GNB1L: variants seen among roughly 807,000 people sequenced by gnomAD.
GNB1L encodes G protein subunit beta 1 like.
GNB1L carries 20 observed loss-of-function variants against 29.1 expected under a neutral mutation model. That is an observed-to-expected ratio of 0.69 (90% CI 0.48 to 1.00). GNB1L has a LOEUF of 1.00. GNB1L is among the 50% of genes least tolerant of loss of function. The pLI is 0.00. For missense variants in GNB1L, 421 were observed against 464.9 expected (o/e 0.91, Z 0.87); for synonymous variants, 193 against 206.5 (o/e 0.93, Z 0.56).
At position 19,816,200 on chromosome 22, in the gene GNB1L, C is replaced by T. The variant is rs924820334; in HGVS notation, c.255-3753G>A. Among the ~76,000 whole-genome samples the T allele has an allele frequency of 6.6e-6, 1 of 152,208 alleles. No homozygotes were observed. Among genetic ancestry groups the T allele is most frequent in the African/African-American group, 2.4e-5 (1 of 41,450 alleles). Reference sequence around the variant, plus strand: ...TTTGCACTCCTTCCTTCCCTGGGGACGAGGCCCAGGCCCATATTCCTCAGA... The same window carrying T: ...TTTGCACTCCTTCCTTCCCTGGGGATGAGGCCCAGGCCCATATTCCTCAGA... On this transcript the variant is annotated intron_variant, in intron 4 of 7. Transcript: ENST00000329517. This position sits in a 1 kb window ranked among gnomAD's most constrained non-coding sequence, Gnocchi z 4.4.
rs989122054 is a variant in GNB1L at position 19,817,896 on chromosome 22, A to T, written c.254+2702T>A. On this transcript the variant is annotated intron_variant, in intron 4 of 7. Coordinates refer to ENST00000329517, the MANE Select transcript of GNB1L (RefSeq NM_053004.3). ...ATTATACTTCACAAGAAAAAAGATT[A>T]AAAAACACCCTGCCGAGGTGGCTGT... Among the ~76,000 whole-genome samples the T allele has an allele frequency of 3.3e-5, 5 of 152,324 alleles. No individual in the cohort carries two copies. The East Asian group carries it at 9.6e-4, about 29-fold the overall frequency.
At chr22:19,810,387 G>A (rs532192872) in intron 5 of GNB1L, among the ~76,000 whole-genome samples, 1 of 152,040 alleles carries the variant, frequency 6.6e-6, no homozygotes, top group East Asian at 1.9e-4. Flanking sequence ...AAGATGGGGG[G>A]AGGAGGGGTG....
At chr22:19,849,833 C>A (rs1358509897) in intron 2 of GNB1L, 3 of 985,466 alleles carry the variant, frequency 3.0e-6, no homozygotes, top group Non-Finnish European at 2.4e-6. Context: ...CTTGTCCAAG[C>A]ACCAGAGTGG....
chr22:19,806,811 A>G (rs1937442003), intron 5 of GNB1L, 54 bp from the exon 6 acceptor site: 5 of 1,250,264 alleles, frequency 4.0e-6, no homozygotes, highest in Admixed American at 1.8e-5. Flanking sequence ...AGTCTGCGCT[A>G]TACAAACAAG....
At chr22:19,830,062 T>C (rs1187001504) in intron 2 of GNB1L, among the ~76,000 whole-genome samples, 1 of 152,136 alleles carries the variant, frequency 6.6e-6, no homozygotes, top group Non-Finnish European at 1.5e-5. Context: ...CTGTTGAGTA[T>C]AGTGGTACAC....
At chr22:19,825,849 T>C (rs1401637000) in intron 2 of GNB1L, among the ~76,000 whole-genome samples, 1 of 151,874 alleles carries the variant, frequency 6.6e-6, no homozygotes, top group Non-Finnish European at 1.5e-5. Context: ...GTCCAGCTAC[T>C]CAGGAGGCTG....
chr22:19,785,349 C>T lies in GNB1L; in HGVS notation c.*3360G>A. 1 of 152,142 alleles carries T rather than the reference C, an allele frequency of 6.6e-6. No homozygotes were observed. The highest frequency in any genetic ancestry group is 1.5e-5 in the Non-Finnish European group (1 of 68,246). The allele number at this position is 152,142 out of a possible 1,614,324, so 9.4% of individuals were successfully genotyped here. On this transcript the variant is annotated 3_prime_UTR_variant, in exon 8 of 8. Transcript: ENST00000329517. This position sits in a 1 kb window ranked among gnomAD's most constrained non-coding sequence, Gnocchi z 4.1. Reference sequence around the variant, plus strand: ...GCTTGAACCTGGGAATCAGAGGTTGCAGTGAGCCGAGACTGCTCCATTGCA... The same window carrying T: ...GCTTGAACCTGGGAATCAGAGGTTGTAGTGAGCCGAGACTGCTCCATTGCA...
At chr22:19,848,828 T>C in intron 2 of GNB1L, 1 of 985,148 alleles carries the variant, frequency 1.0e-6, no homozygotes, top group Non-Finnish European at 1.2e-6. Flanking sequence ...CAGGCTGGAG[T>C]ATCCACTTCA....
At chr22:19,811,043 G>C (rs1046248669) in intron 5 of GNB1L, among the ~76,000 whole-genome samples, 1 of 152,214 alleles carries the variant, frequency 6.6e-6, no homozygotes, top group Admixed American at 6.5e-5. Flanking sequence ...CAGCATTCCT[G>C]TGGGTCTGTA....
intron 7 of GNB1L, among the ~76,000 whole-genome samples, chr22:19,797,364 C>A (rs1393127040): frequency 1.3e-5 from 2 of 152,074 alleles, no homozygotes; most frequent in Non-Finnish European, 2.9e-5. Flanking sequence ...GGGGTGCAGG[C>A]GGTGATTTCA....
At position 19,845,834 on chromosome 22, in the gene GNB1L, C is replaced by T. The variant is rs1421324220; in HGVS notation, c.-21+8609G>A. Among the ~76,000 whole-genome samples, 4 of 152,350 alleles carry T rather than the reference C, an allele frequency of 2.6e-5. No individual in the cohort carries two copies. The East Asian group carries it at 5.8e-4, about 22-fold the overall frequency. On this transcript the variant is annotated intron_variant, in intron 2 of 7. Transcript: ENST00000329517. ...TGGGCAAGGGCCATGACACCATCCT[C>T]GCTGCCTCTGCATTTGTGATCCAAT...
At position 19,783,371 on chromosome 22, in the gene GNB1L, T is replaced by A. The variant is rs1248854414; in HGVS notation, c.*5338A>T. The A allele has an allele frequency of 2.8e-6, 1 of 353,928 alleles. No homozygotes were observed. The highest frequency in any genetic ancestry group is 2.1e-5 in the African/African-American group (1 of 46,994). 21.9% of individuals were successfully genotyped at this position (353,928 alleles called of 1,614,324 possible). A position where few individuals can be genotyped will look rare whatever the true frequency, so the allele number is the denominator to read the frequency against. On this transcript the variant is annotated 3_prime_UTR_variant, in exon 8 of 8. Transcript: ENST00000329517. ...CATGCAAGAGGTGGCAGGGGACAGATGTGCTGCTGTTCCCAGGCCACCTGC... is the reference window on the plus strand; with the variant it reads ...CATGCAAGAGGTGGCAGGGGACAGAAGTGCTGCTGTTCCCAGGCCACCTGC...
intron 2 of GNB1L, among the ~76,000 whole-genome samples, chr22:19,834,681 C>T (rs1937733888): frequency 6.6e-6 from 1 of 151,698 alleles, no homozygotes. Flanking sequence ...CTGCAGCAAC[C>T]ATTAAAAACA....
At position 19,784,033 on chromosome 22, in the gene GNB1L, G is replaced by T. The variant is rs1237654844; in HGVS notation, c.*4676C>A. 1 of 152,300 alleles carries T rather than the reference G, an allele frequency of 6.6e-6. No individual in the cohort carries two copies. The highest frequency in any genetic ancestry group is 1.9e-4 in the East Asian group (1 of 5,198). The allele number at this position is 152,300 out of a possible 1,614,324, so 9.4% of individuals were successfully genotyped here. A position where few individuals can be genotyped will look rare whatever the true frequency, so the allele number is the denominator to read the frequency against. ...TGTGCCCACCTAGGACCACAGGGCT[G>T]GTGGGGCTGGCAGCTTGGTAGAGGG... On this transcript the variant is annotated 3_prime_UTR_variant, in exon 8 of 8. Transcript: ENST00000329517.
At chr22:19,840,690 A>G (rs1937845202) in intron 2 of GNB1L, among the ~76,000 whole-genome samples, 1 of 152,166 alleles carries the variant, frequency 6.6e-6, no homozygotes, top group Non-Finnish European at 1.5e-5. Flanking sequence ...CGTGCCTGTA[A>G]TCCCAGCTAC....
At chr22:19,825,780 C>T (rs1012455699) in intron 2 of GNB1L, among the ~76,000 whole-genome samples, 1 of 151,312 alleles carries the variant, frequency 6.6e-6, no homozygotes, top group Admixed American at 6.6e-5. Context: ...CATAGTCAGA[C>T]CCCCATCTCT....
chr22:19,849,955 T>A (rs1474452625), intron 2 of GNB1L: 2 of 985,444 alleles, frequency 2.0e-6, no homozygotes, highest in African/African-American at 3.5e-5. Context: ...GTGGAACAGG[T>A]CTTTCTTCAT....
chr22:19,836,194 T>G (rs1026886448), intron 2 of GNB1L, among the ~76,000 whole-genome samples: 12 of 152,110 alleles, frequency 7.9e-5, no homozygotes, highest in African/African-American at 2.7e-4. Flanking sequence ...AGACAAATTA[T>G]AATAATTAAA....
rs765685532 is a variant in GNB1L at position 19,820,625 on chromosome 22, G to T, written c.227C>A (p.Thr76Lys). ...HGGQCVTWLQ[T>K]LPQGRQLLSQ... ...GAGGAGCTGGCGCCCCTGGGGCAGC[G>T]TCTGCAGCCAGGTCACACACTGGCC... Residue 76 changes from threonine to lysine, a missense_variant, in exon 4 of 8, where the codon ACG becomes AAG. Physicochemically the swap from Thr to Lys is moderately conservative, Grantham distance 78. Coordinates refer to ENST00000329517, the MANE Select transcript of GNB1L (RefSeq NM_053004.3). 1.9e-6 allele frequency: 3 copies of T among 1,613,154 alleles called. No homozygotes were observed. The highest frequency in any genetic ancestry group is 2.5e-6 in the Non-Finnish European group (3 of 1,179,842).
Sources: allele counts gnomAD v4.1 joint callset (sites outside exome capture counted in the v4.1 genomes callset), GRCh38; gene constraint gnomAD v4.1.1; non-coding constraint Gnocchi (gnomAD v3.1); transcripts MANE v1.5; gene names NCBI Gene and HGNC (gene_info 2026-07-23, HGNC 2026-07-21).